The following LHPP variants were observed in gnomAD, a reference collection of about 807,000 sequenced individuals.
The protein encoded by LHPP is hLHPP.
Under a neutral mutation model 30.3 loss-of-function variants are expected in LHPP, and 24 were observed. That is an observed-to-expected ratio of 0.79 (90% CI 0.57 to 1.11). The LOEUF is 1.11. Among genes scored for constraint, LHPP ranks in the 50% most tolerant of loss-of-function variants. The pLI is 0.00. For missense variants in LHPP, 356 were observed against 367.2 expected (o/e 0.97, Z 0.25); for synonymous variants, 150 against 157.1 (o/e 0.95, Z 0.34).
At chr10:124,574,332 C>T (rs1362694024) in intron 6 of LHPP, among the ~76,000 whole-genome samples, 8 of 152,292 alleles carry the variant, frequency 5.3e-5, no homozygotes, top group African/African-American at 1.4e-4. Context: ...CGCCCCCCTG[C>T]GAGGGCGCGC....
chr10:124,479,921 A>T (rs1382336396), intron 1 of LHPP, among the ~76,000 whole-genome samples: 1 of 151,926 alleles, frequency 6.6e-6, no homozygotes, highest in Admixed American at 6.6e-5. Context: ...AGGCTCGTTT[A>T]CCCAGTGGGT....
intron 6 of LHPP, among the ~76,000 whole-genome samples, chr10:124,588,636 T>C (rs1218570480): frequency 6.6e-6 from 1 of 152,190 alleles, no homozygotes; most frequent in Non-Finnish European, 1.5e-5. Flanking sequence ...ATATCCATAT[T>C]GATGGATCCT....
At chr10:124,595,931 C>G (rs4962668) in intron 6 of LHPP, among the ~76,000 whole-genome samples, 15,225 of 152,232 alleles carry the variant, frequency 0.1, 800 homozygotes, top group Admixed American at 0.15. Flanking sequence ...CCTCCAATAC[C>G]CAAGCCTCCC....
intron 6 of LHPP, among the ~76,000 whole-genome samples, chr10:124,586,146 C>T (rs1442049566): frequency 1.3e-5 from 2 of 152,214 alleles, no homozygotes; most frequent in Non-Finnish European, 2.9e-5. Context: ...TCAAGGCTAA[C>T]ATGCTGAAGG....
At chr10:124,483,816 A>G (rs1260284493) in intron 1 of LHPP, among the ~76,000 whole-genome samples, 3 of 145,376 alleles carry the variant, frequency 2.1e-5, no homozygotes, top group Non-Finnish European at 4.5e-5. Context: ...GGGGGGACAG[A>G]GTTGCATTCC....
Position 124,517,295 on chromosome 10 carries a change from A to C in LHPP, c.716+24A>C. On this transcript the variant is annotated intron_variant, in intron 6 of 6. Coordinates refer to ENST00000368842, the MANE Select transcript of LHPP (RefSeq NM_022126.4). This position sits in a 1 kb window ranked among gnomAD's most constrained non-coding sequence, Gnocchi z 4.1. ...AGGTCAGTGCCAGCTGGAGTCATTT[A>C]TTCACCTTCCTTCCAGGGGATGACC... 1.4e-6 allele frequency: 2 copies of C among 1,474,684 alleles called. No individual in the cohort carries two copies. The highest frequency in any genetic ancestry group is 1.8e-6 in the Non-Finnish European group (2 of 1,083,326). 91.3% of individuals were successfully genotyped at this position (1,474,684 alleles called of 1,614,324 possible).
intron 1 of LHPP, among the ~76,000 whole-genome samples, chr10:124,479,782 G>A (rs531656133): frequency 6.6e-6 from 1 of 152,184 alleles, no homozygotes; most frequent in South Asian, 2.1e-4. Flanking sequence ...AGTCACATTG[G>A]GGGTTAGGAC....
chr10:124,519,533 C>G (rs1954551942), intron 6 of LHPP, among the ~76,000 whole-genome samples: 1 of 151,946 alleles, frequency 6.6e-6, no homozygotes, highest in African/African-American at 2.4e-5. Flanking sequence ...TTTGGTGCAC[C>G]CATCACCCGA....
At chr10:124,462,127 C>A in intron 1 of LHPP, 140 bp downstream of exon 1, 1 of 800,252 alleles carries the variant, frequency 1.2e-6, no homozygotes, top group Non-Finnish European at 1.6e-6. Context: ...CACCCCGGTG[C>A]GCGCACAGTG....
intron 3 of LHPP, among the ~76,000 whole-genome samples, chr10:124,495,988 G>A (rs1953696066): frequency 6.6e-6 from 1 of 152,156 alleles, no homozygotes; most frequent in East Asian, 1.9e-4. Flanking sequence ...GTCAGCATGC[G>A]CTCTTCTTCC....
chr10:124,606,140 G>A (rs766516301), intron 6 of LHPP, among the ~76,000 whole-genome samples: 5 of 152,192 alleles, frequency 3.3e-5, no homozygotes, highest in African/African-American at 7.2e-5. Flanking sequence ...GGAGAGGAGA[G>A]GAGAACCCGC....
chr10:124,599,992 G>A (rs764355592), intron 6 of LHPP, among the ~76,000 whole-genome samples: 5 of 152,208 alleles, frequency 3.3e-5, no homozygotes, highest in Non-Finnish European at 5.9e-5. Context: ...CTGAGTTGGG[G>A]CTTTTGCGGA....
intron 6 of LHPP, among the ~76,000 whole-genome samples, chr10:124,604,377 G>C (rs1057191497): frequency 6.6e-5 from 10 of 152,336 alleles, no homozygotes; most frequent in Middle Eastern, 3.4e-3. Flanking sequence ...GCAAGCTGCT[G>C]TCCTGAGGGT....
intron 6 of LHPP, among the ~76,000 whole-genome samples, chr10:124,555,162 C>T (rs916941053): frequency 2.6e-5 from 4 of 152,154 alleles, no homozygotes; most frequent in African/African-American, 9.7e-5. Flanking sequence ...GACCCCTTTG[C>T]TCTCTTCCTG....
At chr10:124,500,968 A>G (rs1464550331) in intron 5 of LHPP, among the ~76,000 whole-genome samples, 3 of 151,942 alleles carry the variant, frequency 2.0e-5, no homozygotes, top group Non-Finnish European at 4.4e-5. Context: ...GCAGCTCCAT[A>G]CACAATAGCC....
At chr10:124,598,417 AGT>A (rs1450738902) in intron 6 of LHPP, among the ~76,000 whole-genome samples, 2 of 152,160 alleles carry the variant, frequency 1.3e-5, no homozygotes, top group African/African-American at 4.8e-5. Flanking sequence ...GCAGGGCAGG[AGT>A]GTGGCACTGT....
intron 6 of LHPP, among the ~76,000 whole-genome samples, chr10:124,574,267 G>A (rs1377719902): frequency 2.0e-5 from 3 of 152,254 alleles, no homozygotes; most frequent in African/African-American, 4.8e-5. Context: ...GCGTGGCGCT[G>A]AGGGGCACAG....
Position 124,545,551 on chromosome 10 carries a change from G to A in LHPP, c.716+28280G>A, listed in dbSNP as rs192004553. On this transcript the variant is annotated intron_variant, in intron 6 of 6. Coordinates refer to ENST00000368842, the MANE Select transcript of LHPP (RefSeq NM_022126.4). ...TCCTGAGCGGCAGGACTATGCAGGC[G>A]CCTTATTGAGCTGTCAGCGGCTGGC... Among the ~76,000 whole-genome samples the A allele has an allele frequency of 2.0e-3, 311 of 152,262 alleles. 4 individuals carry two copies. Among genetic ancestry groups the A allele is most frequent in the African/African-American group, 6.8e-3 (284 of 41,530 alleles).
rs890531431 is a variant in LHPP at position 124,593,228 on chromosome 10, C to G, written c.717-20036C>G. Among the ~76,000 whole-genome samples the G allele has an allele frequency of 2.0e-5, 3 of 152,182 alleles. No individual in the cohort carries two copies. Among genetic ancestry groups the G allele is most frequent in the Non-Finnish European group, 2.9e-5 (2 of 68,022 alleles). ...AGAAGAGAGCGTCCTGGGAAGCCAG[C>G]TGAGAGCACCTCTTTCTCTTTGGGT... On this transcript the variant is annotated intron_variant, in intron 6 of 6. Transcript: ENST00000368842. The surrounding 1 kb of genome is among the most constrained non-coding windows in gnomAD (Gnocchi z 4.9).
Sources: allele counts gnomAD v4.1 joint callset (sites outside exome capture counted in the v4.1 genomes callset), GRCh38; gene constraint gnomAD v4.1.1; non-coding constraint Gnocchi (gnomAD v3.1); transcripts MANE v1.5; gene names NCBI Gene and HGNC (gene_info 2026-07-23, HGNC 2026-07-21).